The following APPL2 variants were observed in gnomAD, a reference collection of about 807,000 sequenced individuals.
APPL2 encodes adaptor protein, phosphotyrosine interacting with PH domain and leucine zipper 2.
APPL2 carries 84 observed loss-of-function variants against 92.7 expected under a neutral mutation model. The observed-to-expected ratio is 0.91, with a 90% CI of 0.76 to 1.09. APPL2 has a LOEUF of 1.09. APPL2 is among the 50% of genes least tolerant of loss of function. The pLI, the probability that APPL2 is intolerant of heterozygous loss-of-function variation, is 0.00. For missense variants in APPL2, 736 were observed against 824.5 expected (o/e 0.89, Z 1.31); for synonymous variants, 291 against 291.0 (o/e 1.00, Z 0.00).
rs1423260402 is a variant in APPL2 at position 105,216,922 on chromosome 12, CTAGG to C, written c.285+143_285+146del. On this transcript the variant is annotated intron_variant, in intron 4 of 20. Coordinates refer to ENST00000258530, the MANE Select transcript of APPL2 (RefSeq NM_018171.5). Reference sequence around the variant, plus strand: ...ATTAATAGTTAGTGTATAACCTCTCCTAGGAAAGGAGCTTTGTAAGATCAAGAAG... The same window carrying C: ...ATTAATAGTTAGTGTATAACCTCTCCAAAGGAGCTTTGTAAGATCAAGAAG... 4.8e-5 allele frequency: 29 copies of C among 600,220 alleles called. No individual in the cohort carries two copies. In the Admixed American group the frequency reaches 7.2e-4, roughly 15 times the overall value. The allele number at this position is 600,220 out of a possible 1,614,324, so 37.2% of individuals were successfully genotyped here.
At chr12:105,225,751 G>A (rs559796294) in intron 2 of APPL2, among the ~76,000 whole-genome samples, 2 of 152,282 alleles carry the variant, frequency 1.3e-5, no homozygotes, top group South Asian at 4.1e-4. Context: ...TCATTCTAGA[G>A]GTTAAGACAA....
At chr12:105,213,480 G>A (rs1250691270) in intron 4 of APPL2, among the ~76,000 whole-genome samples, 1 of 152,202 alleles carries the variant, frequency 6.6e-6, no homozygotes, top group Non-Finnish European at 1.5e-5. Flanking sequence ...AGAGTGCCTG[G>A]CATATATGCT....
chr12:105,184,851 C>T (rs2135916742), intron 17 of APPL2, among the ~76,000 whole-genome samples: 1 of 152,288 alleles, frequency 6.6e-6, no homozygotes, highest in East Asian at 1.9e-4. Context: ...GAAACTGCGC[C>T]CACAGCCACC....
chr12:105,188,232 G>A, intron 17 of APPL2, 41 bp downstream of exon 17: 4 of 1,602,378 alleles, frequency 2.5e-6, no homozygotes, highest in Non-Finnish European at 3.4e-6. Flanking sequence ...AGGGGAATTA[G>A]CTGAAGCCAT....
rs545699838 is a variant in APPL2, at chr12:105,195,325, T to C, written c.1177A>G (p.Thr393Ala). The C allele has an allele frequency of 6.2e-7, 1 of 1,614,182 alleles. No homozygotes were observed. The highest frequency in any genetic ancestry group is 1.1e-5 in the South Asian group (1 of 91,090). ...ATGGGAGTCACTGCTTGCAGAGCGG[T>C]CTGATTCAACTTGATCGCGACTGCC... ...PEAVAIKLNQ[T>A]ALQAVTPITS... Residue 393 changes from threonine to alanine, a missense_variant, in exon 14 of 21, where the codon ACC (threonine) becomes GCC (alanine). Thr to Ala is a moderately conservative substitution (Grantham distance 58, BLOSUM62 0). Coordinates refer to ENST00000258530, the MANE Select transcript of APPL2 (RefSeq NM_018171.5).
chr12:105,174,885 G>C lies in APPL2; in HGVS notation c.1861-437C>G, dbSNP rs757699623. Among the ~76,000 whole-genome samples the C allele has an allele frequency of 5.6e-5, 8 of 142,588 alleles. 1 individual carries two copies. Among genetic ancestry groups the C allele is most frequent in the Non-Finnish European group, 9.3e-5 (6 of 64,682 alleles). 93.5% of individuals were successfully genotyped at this position (142,588 alleles called of 152,430 possible). On this transcript the variant is annotated intron_variant, in intron 20 of 20. Transcript: ENST00000258530. ...TGCTGCTTTTTTTTGGTGGGGGGGG[G>C]GGTGGTGCGGCGGTTGGAGACAGAG...
In APPL2 at chr12:105,197,953, G is replaced by A. The variant is rs778856838; in HGVS notation, c.864C>T (p.Asn288=). The A allele has an allele frequency of 6.2e-7, 1 of 1,612,884 alleles. No individual in the cohort carries two copies. Among genetic ancestry groups the A allele is most frequent in the Admixed American group, 1.7e-5 (1 of 59,718 alleles). Reference sequence around the variant, plus strand: ...AGGTGGTGGTGACCAGCCCTGTTTTGCTGTGAGTTGTGTTTTAAAAAGCCC... The same window carrying A: ...AGGTGGTGGTGACCAGCCCTGTTTTACTGTGAGTTGTGTTTTAAAAAGCCC... The part of the protein sequence containing the change: ...IQKAGYLNLR[N]KTGLVTTTWE... The change falls in exon 11 of 21, where the codon AAC becomes AAT. Residue 288 remains asparagine (N), a splice_region_variant and synonymous_variant. Transcript: ENST00000258530.
Position 105,229,111 on chromosome 12 carries a change from G to C in APPL2, c.153+14C>G. ...GCCCACTCTGCGGTATCCAGGTGAGGGGTGGCAGCATACCTGGGCTCCATA... is the reference window on the plus strand; with the variant it reads ...GCCCACTCTGCGGTATCCAGGTGAGCGGTGGCAGCATACCTGGGCTCCATA... On this transcript the variant is annotated intron_variant, in intron 2 of 20. Coordinates refer to ENST00000258530, the MANE Select transcript of APPL2 (RefSeq NM_018171.5). 1.2e-6 allele frequency: 2 copies of C among 1,605,296 alleles called. No homozygotes were observed. Among genetic ancestry groups the C allele is most frequent in the Non-Finnish European group, 1.7e-6 (2 of 1,174,788 alleles).
intron 5 of APPL2, among the ~76,000 whole-genome samples, chr12:105,210,436 T>C (rs1245391622): frequency 1.3e-5 from 2 of 152,240 alleles, no homozygotes; most frequent in Non-Finnish European, 2.9e-5. Context: ...ATCAGTGTTC[T>C]AGAAAATGTA....
At chr12:105,194,010 C>T (rs1447944358) in intron 14 of APPL2, among the ~76,000 whole-genome samples, 1 of 152,192 alleles carries the variant, frequency 6.6e-6, no homozygotes, top group Non-Finnish European at 1.5e-5. Context: ...TTCTCAGATA[C>T]CCCGTGCCCG....
intron 10 of APPL2, 144 bp downstream of exon 10, chr12:105,199,229 G>T: frequency 1.0e-6 from 1 of 973,318 alleles, no homozygotes; most frequent in Non-Finnish European, 1.5e-6. Context: ...TGTGTTGCAA[G>T]TGGGAGGGCT....
intron 7 of APPL2, among the ~76,000 whole-genome samples, 161 bp downstream of exon 7, chr12:105,207,810 G>T (rs1888862499): frequency 6.6e-6 from 1 of 151,922 alleles, no homozygotes; most frequent in African/African-American, 2.4e-5. Context: ...ATAGAGAAGT[G>T]GAGGTCTACT....
chr12:105,221,225 G>C (rs76168880), intron 2 of APPL2, among the ~76,000 whole-genome samples: 8 of 152,290 alleles, frequency 5.3e-5, no homozygotes, highest in African/African-American at 9.6e-5. Flanking sequence ...ACTGGAGCCC[G>C]AGTGAGGAGT....
intron 17 of APPL2, among the ~76,000 whole-genome samples, chr12:105,185,848 A>G: frequency 6.6e-6 from 1 of 152,268 alleles, no homozygotes; most frequent in East Asian, 1.9e-4. Context: ...AAGTGTCTTC[A>G]TAACTTTGTG....
At chr12:105,222,119 A>T (rs569072511) in intron 2 of APPL2, among the ~76,000 whole-genome samples, 1 of 152,194 alleles carries the variant, frequency 6.6e-6, no homozygotes, top group Non-Finnish European at 1.5e-5. Context: ...CAGGATGCAC[A>T]CAGGGAGTAG....
Position 105,199,499 on chromosome 12 carries a change from T to G in APPL2, c.737A>C (p.Lys246Thr). Residue 246 changes from lysine (K) to threonine (T), a missense_variant, in exon 10 of 21, where the codon AAG becomes ACG. Lys to Thr is a moderately conservative substitution (Grantham distance 78). Transcript: ENST00000258530. ...IQVELEAEAE[K>T]MRVSQQELLS... is the part of the protein sequence containing the mutation. ...TAATTCTTGCTGGGACACCCGCATC[T>G]TTTCCGCCTCGGCTTCCAGTTCTAC... is the stretch of plus-strand genomic sequence containing the variant. 6.2e-7 allele frequency: 1 copy of G among 1,613,956 alleles called. No individual in the cohort carries two copies. Among genetic ancestry groups the G allele is most frequent in the East Asian group, 2.2e-5 (1 of 44,872 alleles).
intron 9 of APPL2, among the ~76,000 whole-genome samples, chr12:105,200,848 GTATGTATGTATGTATGTATCTATC>G (rs954551765): frequency 7.7e-6 from 1 of 130,238 alleles, no homozygotes; most frequent in African/African-American, 3.2e-5. Context: ...ATGTATGTAT[GTATGTATGTATGTATGTATCTATC>G]TATCTATCTA....
intron 1 of APPL2, chr12:105,229,493 G>A: frequency 2.0e-6 from 2 of 1,004,132 alleles, no homozygotes; most frequent in Non-Finnish European, 2.5e-6. Context: ...GATTATGACT[G>A]AAGGGCTATT....
At chr12:105,232,382 C>T (rs944416825) in intron 1 of APPL2, among the ~76,000 whole-genome samples, 1 of 152,158 alleles carries the variant, frequency 6.6e-6, no homozygotes, top group Non-Finnish European at 1.5e-5. Flanking sequence ...TAGACATTCT[C>T]AAGAATAGTG....
Sources: gnomAD v4.1 joint callset for allele counts (sites outside exome capture counted in the v4.1 genomes callset) on GRCh38, gnomAD v4.1.1 for gene constraint, MANE v1.5 for transcripts, NCBI Gene and HGNC (gene_info 2026-07-23, HGNC 2026-07-21) for gene names.